RALGAPA1: variants seen among roughly 807,000 people sequenced by gnomAD.
RALGAPA1 encodes Ral GTPase activating protein catalytic subunit alpha 1.
RALGAPA1 carries 52 observed loss-of-function variants against 269.6 expected under a neutral mutation model. The ratio of observed to expected loss-of-function variants is 0.19; its 90% confidence interval spans 0.15 to 0.24. The LOEUF (loss-of-function observed/expected upper bound fraction) is 0.24. RALGAPA1 is among the 10% of genes least tolerant of loss of function. RALGAPA1 has a pLI of 1.00. For missense variants in RALGAPA1, 1,917 were observed against 3,013.9 expected, an observed-to-expected ratio of 0.64 and a Z score of 8.52; for synonymous variants, 817 against 1,008.3, an observed-to-expected ratio of 0.81 and a Z score of 3.60.
intron 6 of RALGAPA1, among the ~76,000 whole-genome samples, chr14:35,757,224 C>T (rs1361272484): frequency 1.3e-5 from 2 of 151,504 alleles, no homozygotes; most frequent in South Asian, 4.2e-4. Flanking sequence ...CAGGTTCAAG[C>T]AATTCTCCTG....
chr14:35,705,377 T>C (rs1009788669), intron 16 of RALGAPA1, among the ~76,000 whole-genome samples: 1 of 152,162 alleles, frequency 6.6e-6, no homozygotes, highest in African/African-American at 2.4e-5. Flanking sequence ...GTCATCTTTT[T>C]ACTGTTGACA....
chr14:35,784,699 A>AT (rs922622346), intron 1 of RALGAPA1, among the ~76,000 whole-genome samples: 2 of 151,650 alleles, frequency 1.3e-5, no homozygotes, highest in East Asian at 1.9e-4. Flanking sequence ...AGAAAGGCAA[A>AT]TTTTTTTTTC....
rs567302497 is a variant in RALGAPA1 at position 35,806,277 on chromosome 14, T to C, written c.106+2453A>G. On this transcript the variant is annotated intron_variant, in intron 1 of 41. Transcript: ENST00000680220. ...ACTAACACTAAGTCAATACCCACTA[T>C]ATGCCAAGCATTATGTTAGCCAATT... is the stretch of plus-strand genomic sequence containing the variant. Among the ~76,000 whole-genome samples, 16 of 152,312 alleles carry C rather than the reference T, an allele frequency of 1.1e-4. 1 individual carries two copies. The East Asian group carries it at 2.9e-3, about 28-fold the overall frequency.
chr14:35,664,117 T>G (rs2063751561), intron 27 of RALGAPA1, among the ~76,000 whole-genome samples: 1 of 152,144 alleles, frequency 6.6e-6, no homozygotes, highest in South Asian at 2.1e-4. Flanking sequence ...TTAATATCTG[T>G]GGTAAGTTCC....
At chr14:35,780,413 G>A (rs1417372935) in intron 1 of RALGAPA1, among the ~76,000 whole-genome samples, 1 of 152,028 alleles carries the variant, frequency 6.6e-6, no homozygotes, top group Non-Finnish European at 1.5e-5. Flanking sequence ...AACAACAAAA[G>A]AATACAGTCT....
chr14:35,618,802 GA>G (rs1240794490), intron 35 of RALGAPA1, among the ~76,000 whole-genome samples: 2 of 151,962 alleles, frequency 1.3e-5, no homozygotes, highest in Non-Finnish European at 1.5e-5. Context: ...CGTAATGGGG[GA>G]AAAATCCTAT....
intron 33 of RALGAPA1, among the ~76,000 whole-genome samples, chr14:35,630,117 C>T (rs2061264684): frequency 6.6e-6 from 1 of 152,208 alleles, no homozygotes; most frequent in African/African-American, 2.4e-5. Flanking sequence ...AACCAACCAA[C>T]CAGCTGCTAT....
intron 31 of RALGAPA1, among the ~76,000 whole-genome samples, chr14:35,649,512 AC>A (rs2062670968): frequency 6.6e-6 from 1 of 152,072 alleles, no homozygotes; most frequent in South Asian, 2.1e-4. Context: ...CCAACTCTTA[AC>A]TGTCCACTTC....
intron 4 of RALGAPA1, chr14:35,766,620 G>A (rs2141431380): frequency 1.4e-6 from 1 of 732,254 alleles, no homozygotes; most frequent in Non-Finnish European, 2.6e-6. Context: ...CATGTATGCT[G>A]CAACCAGACG....
intron 1 of RALGAPA1, among the ~76,000 whole-genome samples, chr14:35,776,376 C>T (rs1224735160): frequency 6.8e-6 from 1 of 147,552 alleles, no homozygotes; most frequent in Non-Finnish European, 1.5e-5. Flanking sequence ...AGTGAGACTC[C>T]ACCTTGGGGA....
At chr14:35,649,859 G>C (rs972281639) in intron 31 of RALGAPA1, among the ~76,000 whole-genome samples, 1 of 152,046 alleles carries the variant, frequency 6.6e-6, no homozygotes, top group African/African-American at 2.4e-5. Flanking sequence ...GTGCCTAGCA[G>C]AACGCCACAC....
At chr14:35,609,812 C>A (rs1456310984) in intron 35 of RALGAPA1, among the ~76,000 whole-genome samples, 1 of 150,628 alleles carries the variant, frequency 6.6e-6, no homozygotes, top group Non-Finnish European at 1.5e-5. Context: ...GTCCCAGGGC[C>A]CCTACTTGGG....
chr14:35,808,685 G>A (rs1166243552), intron 1 of RALGAPA1, 45 bp downstream of exon 1: 2 of 1,574,304 alleles, frequency 1.3e-6, no homozygotes, highest in Non-Finnish European at 1.7e-6. Flanking sequence ...GGAGAGGGAA[G>A]GCCGGGCAAC....
intron 1 of RALGAPA1, among the ~76,000 whole-genome samples, chr14:35,787,041 C>G (rs1039546815): frequency 2.6e-5 from 4 of 152,206 alleles, no homozygotes; most frequent in Non-Finnish European, 5.9e-5. Context: ...CCCCATGAAG[C>G]CTTCTCTGAG....
At chr14:35,694,669 T>A (rs1337342775) in intron 17 of RALGAPA1, among the ~76,000 whole-genome samples, 2 of 152,184 alleles carry the variant, frequency 1.3e-5, no homozygotes, top group Non-Finnish European at 2.9e-5. Context: ...ATTTTGAACA[T>A]AAACTACCAA....
chr14:35,698,934 C>T (rs1372659509), intron 17 of RALGAPA1, among the ~76,000 whole-genome samples: 2 of 152,152 alleles, frequency 1.3e-5, no homozygotes, highest in Non-Finnish European at 2.9e-5. Flanking sequence ...GTGCCATTTT[C>T]TACCATCTAT....
chr14:35,644,123 GTC>G (rs1448153260), intron 31 of RALGAPA1, among the ~76,000 whole-genome samples: 3 of 152,160 alleles, frequency 2.0e-5, no homozygotes, highest in Non-Finnish European at 4.4e-5. Flanking sequence ...TGCACTGTAT[GTC>G]TCTGTCAAAA....
intron 1 of RALGAPA1, among the ~76,000 whole-genome samples, chr14:35,797,665 G>A (rs2076674548): frequency 6.6e-6 from 1 of 151,678 alleles, no homozygotes; most frequent in Admixed American, 6.6e-5. Flanking sequence ...TACCAACACG[G>A]AGAAGCCCCG....
intron 1 of RALGAPA1, among the ~76,000 whole-genome samples, chr14:35,804,917 C>T (rs1472957889): frequency 2.0e-5 from 3 of 151,992 alleles, no homozygotes; most frequent in African/African-American, 7.3e-5. Flanking sequence ...TGACAGAAGA[C>T]CCTGTCACAA....
Sources: gnomAD v4.1 joint callset for allele counts (sites outside exome capture counted in the v4.1 genomes callset) on GRCh38, gnomAD v4.1.1 for gene constraint, MANE v1.5 for transcripts, NCBI Gene and HGNC (gene_info 2026-07-23, HGNC 2026-07-21) for gene names.